The following CRYBG1 variants were observed in gnomAD, a reference collection of about 807,000 sequenced individuals.
The protein encoded by CRYBG1 is crystallin beta-gamma domain containing 1, also known as beta/gamma crystallin domain-containing protein 1.
In CRYBG1, 139 loss-of-function variants were observed where a neutral mutation model predicts 189.2. That is an observed-to-expected ratio of 0.73 (90% CI 0.64 to 0.85). The LOEUF is 0.85. CRYBG1 is among the 40% of genes least tolerant of loss of function. The pLI, the probability that CRYBG1 is intolerant of heterozygous loss-of-function variation, is 0.00. For synonymous variants in CRYBG1, 1,023 were observed against 1,017.1 expected (o/e 1.01, Z -0.11); for missense variants, 2,611 against 2,675.8 (o/e 0.98, Z 0.53).
intron 3 of CRYBG1, among the ~76,000 whole-genome samples, chr6:106,516,470 G>C (rs571802785): frequency 6.6e-6 from 1 of 152,192 alleles, no homozygotes; most frequent in South Asian, 2.1e-4. Flanking sequence ...CTGACCTGAA[G>C]TGATCCACCC....
intron 1 of CRYBG1, among the ~76,000 whole-genome samples, chr6:106,375,261 C>T (rs1770129985): frequency 6.6e-6 from 1 of 152,050 alleles, no homozygotes; most frequent in Non-Finnish European, 1.5e-5. Context: ...TGGCATGTGC[C>T]TGTAGTCCCA....
chr6:106,483,386 A>G (rs949427331), intron 2 of CRYBG1, among the ~76,000 whole-genome samples: 2 of 121,946 alleles, frequency 1.6e-5, no homozygotes, highest in African/African-American at 2.7e-5. Flanking sequence ...GTGTATATAT[A>G]TATAGATATA....
rs1217619583 is a variant in CRYBG1, at chr6:106,558,512, C to T, written c.5742C>T (p.Leu1914=). 1 of 1,606,364 alleles carries T rather than the reference C, an allele frequency of 6.2e-7. No homozygotes were observed. Among genetic ancestry groups the T allele is most frequent in the Admixed American group, 1.7e-5 (1 of 59,268 alleles). Reference sequence around the variant, plus strand: ...AATTTTCTGAACCAACAATTATTCTCTTTGAAAGAGAAGACTTCAAAGGAA... The same window carrying T: ...AATTTTCTGAACCAACAATTATTCTTTTTGAAAGAGAAGACTTCAAAGGAA... The part of the protein sequence containing the change: ...DVEFSEPTII[L]FEREDFKGKK... The change falls in exon 18 of 22, where the codon CTC becomes CTT. Residue 1914 remains leucine (L), a synonymous_variant. Transcript: ENST00000633556.
At position 106,543,568 on chromosome 6, in the gene CRYBG1, AG is replaced by A. The variant is rs1275621764; in HGVS notation, c.5011del (p.Val1671TrpfsTer4). The part of the protein sequence containing the change: ...TGDDHLPFTS[V>X]GSMKVLRGIW... ...GAGACGATCATTTGCCGTTTACGTCAGTGGGGTCTATGAAAGTTCTAAGAGG... is the reference window on the plus strand; with the variant it reads ...GAGACGATCATTTGCCGTTTACGTCATGGGGTCTATGAAAGTTCTAAGAGG... On this transcript the variant is annotated frameshift_variant, in exon 11 of 22. Transcript: ENST00000633556. LOFTEE classifies it high-confidence loss of function. 6.2e-7 allele frequency: 1 copy of A among 1,614,064 alleles called. No individual in the cohort carries two copies. Among genetic ancestry groups the A allele is most frequent in the Non-Finnish European group, 8.5e-7 (1 of 1,179,926 alleles).
At chr6:106,436,400 T>A (rs9400003) in intron 1 of CRYBG1, among the ~76,000 whole-genome samples, 1 of 151,104 alleles carries the variant, frequency 6.6e-6, no homozygotes, top group African/African-American at 2.4e-5. Context: ...CCGGGTTCAC[T>A]CCATTCTCCT....
intron 1 of CRYBG1, among the ~76,000 whole-genome samples, chr6:106,431,887 T>A (rs1050139074): frequency 6.6e-6 from 1 of 152,040 alleles, no homozygotes; most frequent in Non-Finnish European, 1.5e-5. Flanking sequence ...GAACCAGATA[T>A]CGTCATCAGA....
chr6:106,525,061 T>A, intron 4 of CRYBG1, 72 bp from the exon 5 acceptor site: 1 of 1,482,452 alleles, frequency 6.7e-7, no homozygotes, highest in Non-Finnish European at 9.4e-7. Flanking sequence ...ACCTACAGGA[T>A]CGTGGGTGGA....
chr6:106,366,121 C>G (rs748535656), intron 1 of CRYBG1, among the ~76,000 whole-genome samples: 2 of 152,156 alleles, frequency 1.3e-5, no homozygotes, highest in Non-Finnish European at 2.9e-5. Context: ...CATTCTGGAA[C>G]TGTAGAGTGT....
At chr6:106,527,247 G>A in intron 6 of CRYBG1, 58 bp from the exon 7 acceptor site, 1 of 1,462,478 alleles carries the variant, frequency 6.8e-7, no homozygotes, top group Non-Finnish European at 9.2e-7. Flanking sequence ...GGTTATTTGA[G>A]TAATCAAAAC....
At position 106,502,045 on chromosome 6, in the gene CRYBG1, A is replaced by G. The variant is rs553040628; in HGVS notation, c.313-9385A>G. On this transcript the variant is annotated intron_variant, in intron 2 of 21. Transcript: ENST00000633556. Reference sequence around the variant, plus strand: ...TCTCTTCTGGGTCCCAGTCAGCCCCAGGGCCTCTGACTTGGCTGTAGCTGT... The same window carrying G: ...TCTCTTCTGGGTCCCAGTCAGCCCCGGGGCCTCTGACTTGGCTGTAGCTGT... 4.6e-5 allele frequency among the ~76,000 whole-genome samples: 7 copies of G among 152,248 alleles called. No homozygotes were observed. In the South Asian group the frequency reaches 1.5e-3, roughly 32 times the overall value.
chr6:106,545,335 A>G (rs978862071), intron 13 of CRYBG1, among the ~76,000 whole-genome samples: 1 of 152,188 alleles, frequency 6.6e-6, no homozygotes, highest in African/African-American at 2.4e-5. Flanking sequence ...TTTCTTCACT[A>G]TTAGTTTGAC....
Position 106,512,718 on chromosome 6 carries a change from G to A in CRYBG1, c.1601G>A (p.Arg534Gln), listed in dbSNP as rs1773317920. 1 of 1,555,282 alleles carries A rather than the reference G, an allele frequency of 6.4e-7. No individual in the cohort carries two copies. The highest frequency in any genetic ancestry group is 8.7e-7 in the Non-Finnish European group (1 of 1,150,512). ...AVPAPPASGP[R>Q]APAKESPPKR... The stretch of plus-strand genomic sequence containing the variant: ...CCCGCCCCGCCCGCCAGCGGCCCCC[G>A]GGCTCCCGCCAAGGAGTCCCCACCC... The change falls in exon 3 of 22, where the codon CGG (arginine) becomes CAG (glutamine). Residue 534 changes from arginine to glutamine, a missense_variant. Physicochemically the swap from Arg to Gln is conservative, Grantham distance 43. Coordinates refer to ENST00000633556, the MANE Select transcript of CRYBG1 (RefSeq NM_001371242.2).
chr6:106,384,828 C>A (rs9399989), intron 1 of CRYBG1, among the ~76,000 whole-genome samples: 32,038 of 138,864 alleles, frequency 0.23, 4,429 homozygotes, highest in Middle Eastern at 0.33. Flanking sequence ...ATTCACCTGG[C>A]TTATTCACAA....
At chr6:106,435,947 A>G (rs1219238232) in intron 1 of CRYBG1, among the ~76,000 whole-genome samples, 1 of 152,176 alleles carries the variant, frequency 6.6e-6, no homozygotes, top group Non-Finnish European at 1.5e-5. Context: ...CTAGATTGGG[A>G]ATTATTGACC....
intron 2 of CRYBG1, among the ~76,000 whole-genome samples, chr6:106,463,995 G>A (rs528679202): frequency 6.6e-6 from 1 of 152,280 alleles, no homozygotes; most frequent in African/African-American, 2.4e-5. Context: ...AAAACATGGG[G>A]AAAAACCAAA....
intron 2 of CRYBG1, among the ~76,000 whole-genome samples, chr6:106,502,519 C>A (rs1773031650): frequency 6.6e-6 from 1 of 152,136 alleles, no homozygotes; most frequent in Non-Finnish European, 1.5e-5. Context: ...ACTCTATCTC[C>A]TTTTAATTAC....
intron 3 of CRYBG1, among the ~76,000 whole-genome samples, chr6:106,513,677 T>C (rs1159190454): frequency 6.6e-6 from 1 of 152,254 alleles, no homozygotes; most frequent in Non-Finnish European, 1.5e-5. Context: ...ATCAGTGTTC[T>C]TACTGGAAGA....
intron 1 of CRYBG1, among the ~76,000 whole-genome samples, chr6:106,435,896 T>G (rs1455926915): frequency 6.6e-6 from 1 of 152,166 alleles, no homozygotes; most frequent in Non-Finnish European, 1.5e-5. Context: ...AATCGTGTCT[T>G]GGAAACCATC....
At chr6:106,401,511 G>A (rs1331299894) in intron 1 of CRYBG1, among the ~76,000 whole-genome samples, 3 of 125,966 alleles carry the variant, frequency 2.4e-5, no homozygotes, top group Non-Finnish European at 3.3e-5. Context: ...ACCCACTAAC[G>A]TGTCATCTAG....
Sources: allele counts gnomAD v4.1 joint callset (sites outside exome capture counted in the v4.1 genomes callset), GRCh38; gene constraint gnomAD v4.1.1; transcripts MANE v1.5; gene names NCBI Gene and HGNC (gene_info 2026-07-23, HGNC 2026-07-21).